GRIK1: variants seen among roughly 807,000 people sequenced by gnomAD.
The protein encoded by GRIK1 is glutamate receptor ionotropic, kainate 1.
Under a neutral mutation model 105.7 loss-of-function variants are expected in GRIK1, and 69 were observed. The ratio of observed to expected loss-of-function variants is 0.65; its 90% CI spans 0.54 to 0.80. The LOEUF (loss-of-function observed/expected upper bound fraction) is 0.80. Ranked by LOEUF, GRIK1 falls within the 30% of genes least tolerant of loss-of-function variation. GRIK1 has a pLI of 0.00. For synonymous variants in GRIK1, 438 were observed against 431.3 expected, an observed-to-expected ratio of 1.02 and a Z score of -0.19; for missense variants, 1,109 against 1,167.3, an observed-to-expected ratio of 0.95 and a Z score of 0.73.
At chr21:29,806,050 G>T (rs981001315) in intron 1 of GRIK1, among the ~76,000 whole-genome samples, 1 of 152,036 alleles carries the variant, frequency 6.6e-6, no homozygotes. Flanking sequence ...ATAATCTAGA[G>T]TAAATAATAA....
At chr21:29,635,948 G>A (rs990527291) in intron 7 of GRIK1, among the ~76,000 whole-genome samples, 1 of 152,142 alleles carries the variant, frequency 6.6e-6, no homozygotes, top group Admixed American at 6.5e-5. Context: ...AGAGTCAAAA[G>A]GAAATGCTTC....
intron 1 of GRIK1, among the ~76,000 whole-genome samples, chr21:29,751,766 C>T (rs912945696): frequency 7.9e-5 from 12 of 152,166 alleles, no homozygotes; most frequent in African/African-American, 2.9e-4. Flanking sequence ...CTGATTTTTA[C>T]ATAGGTTGCA....
At position 29,857,613 on chromosome 21, in the gene GRIK1, C is replaced by A. The variant is rs184309628; in HGVS notation, c.118+81770G>T. 3.3e-5 allele frequency among the ~76,000 whole-genome samples: 5 copies of A among 150,408 alleles called. No individual in the cohort carries two copies. In the East Asian group the frequency reaches 9.9e-4, roughly 30 times the overall value. On this transcript the variant is annotated intron_variant, in intron 1 of 17. Coordinates refer to ENST00000327783, the MANE Select transcript of GRIK1 (RefSeq NM_001330994.2). Reference sequence around the variant, plus strand: ...CTATTTCCAGAAGACTTCTACCCAACAATAAATAATTTTCATTGTTATGAA... The same window carrying A: ...CTATTTCCAGAAGACTTCTACCCAAAAATAAATAATTTTCATTGTTATGAA...
At chr21:29,629,089 C>T (rs2062197895) in intron 7 of GRIK1, among the ~76,000 whole-genome samples, 1 of 151,792 alleles carries the variant, frequency 6.6e-6, no homozygotes, top group African/African-American at 2.4e-5. Flanking sequence ...AAATGCAATG[C>T]GTACTGGAGA....
chr21:29,880,646 A>G (rs376992441), intron 1 of GRIK1, among the ~76,000 whole-genome samples: 4 of 152,290 alleles, frequency 2.6e-5, no homozygotes, highest in East Asian at 3.9e-4. Flanking sequence ...GCCAAGTAGC[A>G]TATTGTCTGT....
chr21:29,605,642 A>C (rs1404908995), intron 7 of GRIK1, among the ~76,000 whole-genome samples: 2 of 152,154 alleles, frequency 1.3e-5, no homozygotes, highest in Non-Finnish European at 2.9e-5. Context: ...GAATTGCCAT[A>C]GTGTTTTCCA....
chr21:29,895,754 G>A (rs78958686), intron 1 of GRIK1, among the ~76,000 whole-genome samples: 43 of 152,294 alleles, frequency 2.8e-4, no homozygotes, highest in East Asian at 5.8e-4. Flanking sequence ...GGAATCAGAC[G>A]TATAAGATTT....
At chr21:29,744,900 G>T (rs573651370) in intron 1 of GRIK1, among the ~76,000 whole-genome samples, 43 of 152,300 alleles carry the variant, frequency 2.8e-4, no homozygotes, top group African/African-American at 9.9e-4. Flanking sequence ...GAAGAGGAAA[G>T]TCGGCTTAGA....
intron 1 of GRIK1, among the ~76,000 whole-genome samples, chr21:29,894,082 G>T (rs2070013444): frequency 6.6e-6 from 1 of 152,148 alleles, no homozygotes; most frequent in Admixed American, 6.5e-5. Context: ...AGGTAGGGCT[G>T]GGTAGTCACA....
intron 1 of GRIK1, among the ~76,000 whole-genome samples, chr21:29,819,238 C>T (rs565811124): frequency 6.6e-6 from 1 of 152,130 alleles, no homozygotes; most frequent in Non-Finnish European, 1.5e-5. Context: ...TTCTTCCCAT[C>T]TCACCAAACA....
chr21:29,725,211 T>G (rs1045484148), intron 1 of GRIK1, among the ~76,000 whole-genome samples: 2 of 152,104 alleles, frequency 1.3e-5, no homozygotes, highest in Non-Finnish European at 2.9e-5. Flanking sequence ...CCATAGTAAA[T>G]ATAAATGCCG....
chr21:29,604,245 C>T (rs2061572331), intron 7 of GRIK1, among the ~76,000 whole-genome samples: 1 of 152,128 alleles, frequency 6.6e-6, no homozygotes, highest in Non-Finnish European at 1.5e-5. Flanking sequence ...CAAAAAAGTT[C>T]CCTTTTCATG....
chr21:29,825,241 G>A lies in GRIK1; in HGVS notation c.118+114142C>T, dbSNP rs9975200. Among the ~76,000 whole-genome samples the A allele has an allele frequency of 4.5e-3, 682 of 152,052 alleles. 3 individuals are homozygous for A. Among genetic ancestry groups the A allele is most frequent in the African/African-American group, 0.016 (650 of 41,530 alleles). On this transcript the variant is annotated intron_variant, in intron 1 of 17. Transcript: ENST00000327783. Reference sequence around the variant, plus strand: ...TGAAGTTTATAGTGGCAAGAGCAAAGGCTTTAAAAAGCAGGATGGGGGAAG... The same window carrying A: ...TGAAGTTTATAGTGGCAAGAGCAAAAGCTTTAAAAAGCAGGATGGGGGAAG...
intron 1 of GRIK1, chr21:29,759,965 G>C (rs2065465020): frequency 6.6e-6 from 1 of 152,164 alleles, no homozygotes; most frequent in Non-Finnish European, 1.5e-5. Context: ...TAGTAATAAA[G>C]ATTGCTACCA....
At chr21:29,566,668 A>C (rs1013861438) in intron 14 of GRIK1, among the ~76,000 whole-genome samples, 4 of 150,978 alleles carry the variant, frequency 2.6e-5, no homozygotes, top group African/African-American at 7.5e-5. Context: ...ACAGCAACCA[A>C]CATATGCAGT....
chr21:29,746,310 AC>A (rs2065047563), intron 1 of GRIK1, among the ~76,000 whole-genome samples: 3 of 152,172 alleles, frequency 2.0e-5, no homozygotes, highest in South Asian at 2.1e-4. Flanking sequence ...TTGTTAAACA[AC>A]TTTGAAATTT....
chr21:29,856,034 G>A (rs997651497), intron 1 of GRIK1, among the ~76,000 whole-genome samples: 1 of 152,180 alleles, frequency 6.6e-6, no homozygotes, highest in East Asian at 1.9e-4. Flanking sequence ...AGATTCATAC[G>A]TAAACATCAG....
chr21:29,767,114 G>A (rs1009336832), intron 1 of GRIK1, among the ~76,000 whole-genome samples: 2 of 152,290 alleles, frequency 1.3e-5, no homozygotes, highest in Admixed American at 6.5e-5. Context: ...TACTTCATCC[G>A]AAGGAGGGGT....
chr21:29,568,088 C>T (rs1228541239), intron 14 of GRIK1, among the ~76,000 whole-genome samples: 2 of 152,150 alleles, frequency 1.3e-5, no homozygotes, highest in African/African-American at 2.4e-5. Context: ...ATGTTTTTCT[C>T]CTGTCTAGAG....
Sources: gnomAD v4.1 joint callset for allele counts (sites outside exome capture counted in the v4.1 genomes callset) on GRCh38, gnomAD v4.1.1 for gene constraint, MANE v1.5 for transcripts, NCBI Gene and HGNC (gene_info 2026-07-23, HGNC 2026-07-21) for gene names.